SPATA13: variants seen among roughly 807,000 people sequenced by gnomAD.
SPATA13 encodes the protein spermatogenesis-associated protein 13.
A neutral mutation model predicts 104.0 loss-of-function variants in SPATA13; 50 were observed. The ratio of observed to expected loss-of-function variants is 0.48; its 90% CI spans 0.38 to 0.61. SPATA13 has a LOEUF of 0.61. Among genes scored for constraint, SPATA13 ranks in the 20% least tolerant of loss-of-function variants. The pLI is 0.00. For synonymous variants in SPATA13, 606 were observed against 667.5 expected (o/e 0.91, Z 1.42); for missense variants, 1,524 against 1,690.6 (o/e 0.90, Z 1.73).
At chr13:24,137,938 G>A (rs1205848491) in intron 3 of SPATA13, among the ~76,000 whole-genome samples, 1 of 152,168 alleles carries the variant, frequency 6.6e-6, no homozygotes, top group African/African-American at 2.4e-5. Context: ...ATGACTGGTT[G>A]TTATTGTGTG....
At chr13:24,254,747 C>G (rs1191010881) in intron 4 of SPATA13, among the ~76,000 whole-genome samples, 3 of 152,202 alleles carry the variant, frequency 2.0e-5, no homozygotes, top group Non-Finnish European at 2.9e-5. Context: ...GAGGGGAAGG[C>G]CCAGACTTCC....
Position 24,223,087 on chromosome 13 carries a change from G to T in SPATA13, c.158G>T (p.Gly53Val), listed in dbSNP as rs1163779954. 1 of 1,551,614 alleles carries T rather than the reference G, an allele frequency of 6.4e-7. No homozygotes were observed. The highest frequency in any genetic ancestry group is 8.7e-7 in the Non-Finnish European group (1 of 1,147,020). ...TSLACGNGVC[G>V]CSPGGDTDTQ... ...CTTGCGTGTGGAAATGGAGTCTGTG[G>T]CTGCAGCCCTGGTGGCGACACGGAC... Residue 53 changes from glycine to valine, a missense_variant, in exon 2 of 13, where the codon GGC becomes GTC. This residue lies in a region of SPATA13 where 1,089 missense variants were observed against 1,135.9 expected (regional missense o/e 0.96). Transcript: ENST00000382108.
At position 24,224,274 on chromosome 13, in the gene SPATA13, G is replaced by A. The variant is rs936936924; in HGVS notation, c.1345G>A (p.Ala449Thr). The A allele has an allele frequency of 3.2e-6, 5 of 1,551,546 alleles. No homozygotes were observed. The highest frequency in any genetic ancestry group is 1.4e-5 in the African/African-American group (1 of 73,028). Residue 449 changes from alanine (A) to threonine (T), a missense_variant, in exon 2 of 13, where the codon GCT (alanine) becomes ACT (threonine). Ala to Thr is a moderately conservative substitution (Grantham distance 58, BLOSUM62 0). This residue lies in a region of SPATA13 where 1,089 missense variants were observed against 1,135.9 expected (regional missense o/e 0.96). Transcript: ENST00000382108. ...GAGCAAAGACTCCTGTGACCCAAAC[G>A]CTGGCAGCCAGTTGACATTTGACCC... ...VLSKDSCDPN[A>T]GSQLTFDPEQ...
chr13:24,113,039 C>A (rs1880699392), intron 3 of SPATA13, among the ~76,000 whole-genome samples: 1 of 152,198 alleles, frequency 6.6e-6, no homozygotes, highest in South Asian at 2.1e-4. Flanking sequence ...CCAGGCATAG[C>A]CTCCCCCAGA....
intron 3 of SPATA13, among the ~76,000 whole-genome samples, chr13:24,019,085 T>C (rs1333870779): frequency 7.3e-6 from 1 of 137,318 alleles, no homozygotes; most frequent in Non-Finnish European, 1.6e-5. Flanking sequence ...CTTATTATTA[T>C]TATTATTATT....
chr13:24,165,018 T>A (rs745919779), intron 1 of SPATA13, among the ~76,000 whole-genome samples: 29 of 152,220 alleles, frequency 1.9e-4, no homozygotes, highest in Middle Eastern at 6.8e-3. Context: ...TTCCTGTATA[T>A]GTATGTGGTT....
chr13:24,151,188 C>T (rs945875751), intron 3 of SPATA13, among the ~76,000 whole-genome samples: 4 of 152,156 alleles, frequency 2.6e-5, no homozygotes, highest in Admixed American at 6.5e-5. Flanking sequence ...TGCTTCCTCC[C>T]GCAGTGCTGA....
intron 4 of SPATA13, chr13:24,278,960 C>G: frequency 2.0e-6 from 1 of 503,396 alleles, no homozygotes; most frequent in South Asian, 2.2e-5. Flanking sequence ...CTCCTTCCTT[C>G]CTTCCCTCCT....
At chr13:23,995,540 A>G (rs776107158) in intron 2 of SPATA13, among the ~76,000 whole-genome samples, 2 of 152,206 alleles carry the variant, frequency 1.3e-5, no homozygotes, top group African/African-American at 2.4e-5. Context: ...CTCAAAACAG[A>G]TGAAATCTCC....
At position 24,224,490 on chromosome 13, in the gene SPATA13, C is replaced by A. The variant is rs1871817025; in HGVS notation, c.1561C>A (p.Pro521Thr). Reference sequence around the variant, plus strand: ...GCCAGGGCCTGTGTCCTTGCAGGATCCCCTGGAAGCCACACATGGTGATGA... The same window carrying A: ...GCCAGGGCCTGTGTCCTTGCAGGATACCCTGGAAGCCACACATGGTGATGA... Reference protein sequence around the residue: ...REPGPVSLQDPLEATHGDEGS... With the variant: ...REPGPVSLQDTLEATHGDEGS... The change falls in exon 2 of 13, where the codon CCC becomes ACC. Residue 521 changes from proline to threonine, a missense_variant. Coordinates refer to ENST00000382108, the MANE Select transcript of SPATA13 (RefSeq NM_001166271.3). 5 of 1,550,474 alleles carry A rather than the reference C, an allele frequency of 3.2e-6. No individual in the cohort carries two copies. Among genetic ancestry groups the A allele is most frequent in the Middle Eastern group, 3.3e-4 (2 of 5,990 alleles).
rs745806098 is a variant in SPATA13, at chr13:24,305,525, C to T, written c.*2752C>T. On this transcript the variant is annotated 3_prime_UTR_variant, in exon 13 of 13. Transcript: ENST00000382108. Reference sequence around the variant, plus strand: ...CAAGAATGGAAGGCTCAAGTATTCTCATCTTCCATTTGCCAAACTTCCTTC... The same window carrying T: ...CAAGAATGGAAGGCTCAAGTATTCTTATCTTCCATTTGCCAAACTTCCTTC... 1.3e-4 allele frequency: 20 copies of T among 152,220 alleles called. No individual in the cohort carries two copies. The highest frequency in any genetic ancestry group is 2.5e-4 in the Non-Finnish European group (17 of 68,038). The allele number at this position is 152,220 out of a possible 1,614,324, so 9.4% of individuals were successfully genotyped here.
At chr13:24,012,868 G>A (rs1012441989) in intron 2 of SPATA13, among the ~76,000 whole-genome samples, 15 of 152,216 alleles carry the variant, frequency 9.9e-5, no homozygotes, top group Admixed American at 3.9e-4. Context: ...GGGCTTTCAC[G>A]GGCTTGGGCT....
Position 24,286,225 on chromosome 13 carries a change from T to C in SPATA13, c.2313T>C (p.Asp771=). The part of the protein sequence containing the change: ...EQLAINELIS[D]GNVVCAEALW... ...CTGTCTCCTTTCAGCTGATCAGTGA[T>C]GGCAACGTGGTCTGCGCAGAAGCCC... is the stretch of plus-strand genomic sequence containing the variant. Residue 771 remains aspartate (D), a synonymous_variant, in exon 6 of 13, where the codon GAT becomes GAC. Coordinates refer to ENST00000382108, the MANE Select transcript of SPATA13 (RefSeq NM_001166271.3). This position sits in a 1 kb window ranked among gnomAD's most constrained non-coding sequence, Gnocchi z 4.9. 6.2e-7 allele frequency: 1 copy of C among 1,612,160 alleles called. No homozygotes were observed. The highest frequency in any genetic ancestry group is 2.2e-5 in the East Asian group (1 of 44,834).
chr13:24,071,072 T>C (rs961418765), intron 3 of SPATA13, among the ~76,000 whole-genome samples: 3 of 152,228 alleles, frequency 2.0e-5, no homozygotes, highest in Admixed American at 6.5e-5. Flanking sequence ...CCATGATGAA[T>C]GCACTCATGG....
intron 3 of SPATA13, among the ~76,000 whole-genome samples, chr13:24,138,315 A>AC (rs1555263884): frequency 3.6e-5 from 3 of 82,338 alleles, no homozygotes; most frequent in African/African-American, 6.4e-5. Flanking sequence ...GAAAAAAAAA[A>AC]AAAAAACAGT....
intron 4 of SPATA13, chr13:24,278,935 T>C (rs1260858032): frequency 6.9e-6 from 6 of 864,544 alleles, no homozygotes; most frequent in Non-Finnish European, 9.8e-6. Flanking sequence ...CCTCTTTCCT[T>C]CCTTCCTTCC....
rs1566096840 is a variant in SPATA13 at position 24,082,853 on chromosome 13, A to AAC, written c.-112+65153_-112+65154insCA. On this transcript the variant is annotated intron_variant, in intron 3 of 14. Coordinates refer to the SPATA13 transcript ENST00000424834. Reference sequence around the variant, plus strand: ...AAAAAAAAAAAAAAAAAAAAAAAAAAATAAGATCTTTGCATTATTCCCACT... The same window carrying AAC: ...AAAAAAAAAAAAAAAAAAAAAAAAAAACATAAGATCTTTGCATTATTCCCACT... 2.0e-4 allele frequency among the ~76,000 whole-genome samples: 28 copies of AAC among 137,452 alleles called. 2 individuals carry two copies. The highest frequency in any genetic ancestry group is 2.8e-4 in the Admixed American group (4 of 14,066). 90.2% of individuals were successfully genotyped at this position (137,452 alleles called of 152,430 possible).
intron 3 of SPATA13, among the ~76,000 whole-genome samples, chr13:24,250,412 C>T (rs1873415356): frequency 6.6e-6 from 1 of 152,010 alleles, no homozygotes. Flanking sequence ...TCCGGGTATC[C>T]AGTGAGCACT....
At chr13:23,996,488 A>AAT (rs572023926) in intron 2 of SPATA13, among the ~76,000 whole-genome samples, 221 of 152,306 alleles carry the variant, frequency 1.5e-3, no homozygotes, top group African/African-American at 3.6e-3. Flanking sequence ...ATGGTCAGAT[A>AAT]ATATTTATGG....
Sources: gnomAD v4.1 joint callset for allele counts (sites outside exome capture counted in the v4.1 genomes callset) on GRCh38, gnomAD v4.1.1 for gene constraint, gnomAD v4.1.1 regional missense constraint, Gnocchi (gnomAD v3.1) non-coding constraint, MANE v1.5 for transcripts, NCBI Gene and HGNC (gene_info 2026-07-23, HGNC 2026-07-21) for gene names.